The following SEC63 variants were observed in gnomAD, a reference collection of about 807,000 sequenced individuals.
The protein encoded by SEC63 is translocation protein SEC63 homolog.
In SEC63, 56 loss-of-function variants were observed where a neutral mutation model predicts 116.2. That is an observed-to-expected ratio of 0.48 (90% CI 0.39 to 0.60). The LOEUF is 0.60. Ranked by LOEUF, SEC63 falls within the 20% of genes least tolerant of loss-of-function variation. The probability of loss-of-function intolerance (pLI) is 0.00; values close to 1 mark genes in which losing one functional copy is unlikely to be tolerated. For synonymous variants in SEC63, 273 were observed against 294.6 expected, an observed-to-expected ratio of 0.93 and a Z score of 0.75; for missense variants, 668 against 900.0, an observed-to-expected ratio of 0.74 and a Z score of 3.30.
At chr6:107,898,534 CTTAT>C (rs1423112809) in intron 13 of SEC63, among the ~76,000 whole-genome samples, 5 of 152,014 alleles carry the variant, frequency 3.3e-5, no homozygotes, top group Admixed American at 6.6e-5. Context: ...ACTAAAGAGA[CTTAT>C]TTTTTTAAAG....
chr6:107,929,668 G>A (rs2114487986), intron 1 of SEC63, among the ~76,000 whole-genome samples, 154 bp from the exon 2 acceptor site: 1 of 152,254 alleles, frequency 6.6e-6, no homozygotes, highest in South Asian at 2.1e-4. Context: ...AAACTTACAA[G>A]ATAGGTTAAA....
chr6:107,940,705 A>G (rs975361886), intron 1 of SEC63, among the ~76,000 whole-genome samples: 1 of 152,012 alleles, frequency 6.6e-6, no homozygotes. Flanking sequence ...TATCAGGAAC[A>G]CAGGGAAAAG....
chr6:107,876,524 T>G lies in SEC63; in HGVS notation c.2034+40A>C, dbSNP rs1372486293. The G allele has an allele frequency of 4.3e-6, 5 of 1,161,366 alleles. No homozygotes were observed. The African/African-American group carries it at 7.5e-5, about 18-fold the overall frequency. The allele number at this position is 1,161,366 out of a possible 1,614,324, so 71.9% of individuals were successfully genotyped here. A position where few individuals can be genotyped will look rare whatever the true frequency, so the allele number is the denominator to read the frequency against. On this transcript the variant is annotated intron_variant, in intron 19 of 20. Coordinates refer to ENST00000369002, the MANE Select transcript of SEC63 (RefSeq NM_007214.5). The stretch of plus-strand genomic sequence containing the variant: ...TGAAGCAGCATGATGGTGACAGCTG[T>G]GCCTTGTTAAACACTGAAATCATGT...
rs1569557 is a variant in SEC63 at position 107,921,916 on chromosome 6, A to G, written c.340-7T>C. The G allele has an allele frequency of 5.3e-4, 606 of 1,146,240 alleles. 10 individuals are homozygous for G. Among genetic ancestry groups the G allele is most frequent in the African/African-American group, 1.8e-3 (94 of 53,212 alleles). 71.0% of individuals were successfully genotyped at this position (1,146,240 alleles called of 1,614,324 possible). ...TTTCTGCTACTGTGGCTCCCTGGGG[A>G]AAAACAAAAAAAAAAAACAAGCTTT... On this transcript the variant is annotated splice_region_variant and splice_polypyrimidine_tract_variant and intron_variant, in intron 3 of 20. Transcript: ENST00000369002.
At chr6:107,923,350 G>C (rs1230932071) in intron 3 of SEC63, among the ~76,000 whole-genome samples, 1 of 152,108 alleles carries the variant, frequency 6.6e-6, no homozygotes, top group Non-Finnish European at 1.5e-5. Flanking sequence ...TTGGCCTCAA[G>C]CAATCCTCCT....
chr6:107,878,202 A>G (rs1042231834), intron 18 of SEC63, among the ~76,000 whole-genome samples: 5 of 152,226 alleles, frequency 3.3e-5, no homozygotes, highest in Admixed American at 1.3e-4. Flanking sequence ...TATCTGTTTT[A>G]AAGACACAGA....
chr6:107,902,898 C>T lies in SEC63; in HGVS notation c.1155G>A (p.Leu385=). The change falls in exon 12 of 21, where the codon CTG becomes CTA. Residue 385 remains leucine (L), a synonymous_variant. Coordinates refer to ENST00000369002, the MANE Select transcript of SEC63 (RefSeq NM_007214.5). ...QGLQQFKSPL[L]QLPHIEEDNL... Reference sequence around the variant, plus strand: ...TGTCCTCTTCAATATGAGGGAGCTGCAGAAGGGGAGACTTAAATTGCTGAA... The same window carrying T: ...TGTCCTCTTCAATATGAGGGAGCTGTAGAAGGGGAGACTTAAATTGCTGAA... 1 of 1,613,808 alleles carries T rather than the reference C, an allele frequency of 6.2e-7. No individual in the cohort carries two copies.
rs955764776 is a variant in SEC63 at position 107,869,027 on chromosome 6, G to A, written c.*2677C>T. ...TCTCTCCCTCCCTGTTTCCACATCA[G>A]TTGTTTGACATCCACGCCCCCTGCT... On this transcript the variant is annotated 3_prime_UTR_variant, in exon 21 of 21. Transcript: ENST00000369002. The A allele has an allele frequency of 1.3e-5, 2 of 152,138 alleles. No homozygotes were observed. Among genetic ancestry groups the A allele is most frequent in the African/African-American group, 4.8e-5 (2 of 41,372 alleles). 9.4% of individuals were successfully genotyped at this position (152,138 alleles called of 1,614,324 possible). A position where few individuals can be genotyped will look rare whatever the true frequency, so the allele number is the denominator to read the frequency against.
At chr6:107,888,465 T>C (rs1786592763) in intron 16 of SEC63, among the ~76,000 whole-genome samples, 1 of 152,238 alleles carries the variant, frequency 6.6e-6, no homozygotes, top group Admixed American at 6.5e-5. Context: ...TTAGCTGAAG[T>C]TGCTTATCAG....
chr6:107,945,803 C>T (rs1770470500), intron 1 of SEC63, among the ~76,000 whole-genome samples: 1 of 152,080 alleles, frequency 6.6e-6, no homozygotes, highest in African/African-American at 2.4e-5. Context: ...AGGGAACAGG[C>T]ATCTAAGAAA....
chr6:107,955,913 A>AATAG (rs1770701636), intron 1 of SEC63: 2 of 278,982 alleles, frequency 7.2e-6, no homozygotes, highest in Middle Eastern at 1.2e-3. Context: ...TAAATAAATA[A>AATAG]ATAGTATGAT....
intron 18 of SEC63, among the ~76,000 whole-genome samples, chr6:107,878,437 A>C (rs1454273687): frequency 6.6e-6 from 1 of 152,258 alleles, no homozygotes; most frequent in African/African-American, 2.4e-5. Context: ...CATCATTACA[A>C]CAAGTAGGGA....
At chr6:107,938,193 T>G (rs1162558722) in intron 1 of SEC63, among the ~76,000 whole-genome samples, 1 of 152,132 alleles carries the variant, frequency 6.6e-6, no homozygotes, top group Non-Finnish European at 1.5e-5. Context: ...TCCTTCATTC[T>G]ACTTCTCCCA....
At chr6:107,876,085 C>T (rs1286790086) in intron 19 of SEC63, among the ~76,000 whole-genome samples, 1 of 152,030 alleles carries the variant, frequency 6.6e-6, no homozygotes, top group Non-Finnish European at 1.5e-5. Flanking sequence ...TGAAAAACAA[C>T]AACAAAAATG....
intron 1 of SEC63, among the ~76,000 whole-genome samples, chr6:107,934,537 G>A (rs1231234141): frequency 3.5e-5 from 5 of 143,388 alleles, no homozygotes; most frequent in African/African-American, 1.3e-4. Flanking sequence ...CGTCTGAGAA[G>A]TGAGGAGCCC....
chr6:107,922,675 T>C (rs186572107), intron 3 of SEC63, among the ~76,000 whole-genome samples: 1 of 152,332 alleles, frequency 6.6e-6, no homozygotes, highest in East Asian at 1.9e-4. Flanking sequence ...TTAGTCTCGA[T>C]TTCTATTAAT....
chr6:107,888,766 C>T (rs922036709), intron 16 of SEC63, among the ~76,000 whole-genome samples: 2 of 152,158 alleles, frequency 1.3e-5, no homozygotes, highest in African/African-American at 2.4e-5. Context: ...TACGTTCCAT[C>T]AATGCCTAGT....
At chr6:107,897,404 A>G (rs1003788627) in intron 14 of SEC63, among the ~76,000 whole-genome samples, 1 of 152,230 alleles carries the variant, frequency 6.6e-6, no homozygotes, top group African/African-American at 2.4e-5. Context: ...CTATATCCAC[A>G]TTACTTTGTT....
intron 1 of SEC63, among the ~76,000 whole-genome samples, chr6:107,949,258 T>G (rs1371898725): frequency 6.6e-6 from 1 of 152,186 alleles, no homozygotes; most frequent in African/African-American, 2.4e-5. Context: ...ATGTCAAAGT[T>G]AAACTGGTAT....
Sources: gnomAD v4.1 joint callset for allele counts (sites outside exome capture counted in the v4.1 genomes callset) on GRCh38, gnomAD v4.1.1 for gene constraint, MANE v1.5 for transcripts, NCBI Gene and HGNC (gene_info 2026-07-23, HGNC 2026-07-21) for gene names.